The following MDGA2 variants were observed in gnomAD, a reference collection of about 807,000 sequenced individuals.
MDGA2 encodes the protein MAM domain-containing glycosylphosphatidylinositol anchor protein 2.
In MDGA2, 40 loss-of-function variants were observed where a neutral mutation model predicts 117.8. That is an observed-to-expected ratio of 0.34 (90% CI 0.26 to 0.44). The LOEUF is 0.44. Among genes scored for constraint, MDGA2 ranks in the 20% least tolerant of loss-of-function variants. The pLI is 1.00. For synonymous variants in MDGA2, 452 were observed against 439.0 expected, an observed-to-expected ratio of 1.03 and a Z score of -0.37; for missense variants, 1,123 against 1,250.6, an observed-to-expected ratio of 0.90 and a Z score of 1.54.
chr14:47,311,471 T>C (rs965659476), intron 1 of MDGA2, among the ~76,000 whole-genome samples: 1 of 152,044 alleles, frequency 6.6e-6, no homozygotes, highest in Non-Finnish European at 1.5e-5. Context: ...ACTAGCCCCA[T>C]GGACAAGTTT....
chr14:47,342,279 TATAA>T (rs1433466623), intron 1 of MDGA2, among the ~76,000 whole-genome samples: 51 of 76,326 alleles, frequency 6.7e-4, no homozygotes, highest in African/African-American at 1.6e-3. Flanking sequence ...TATATATATA[TATAA>T]AATATGTTAT....
At chr14:47,488,000 T>G (rs2138647421) in intron 1 of MDGA2, among the ~76,000 whole-genome samples, 1 of 152,210 alleles carries the variant, frequency 6.6e-6, no homozygotes, top group South Asian at 2.1e-4. Context: ...TTAGGAATGG[T>G]TTTTTGAATG....
At chr14:47,533,458 A>G (rs554156214) in intron 1 of MDGA2, among the ~76,000 whole-genome samples, 224 of 152,312 alleles carry the variant, frequency 1.5e-3, no homozygotes, top group African/African-American at 5.0e-3. Context: ...TGAAAGACAC[A>G]TATTGGATCA....
intron 1 of MDGA2, among the ~76,000 whole-genome samples, chr14:47,320,185 T>C (rs1231742823): frequency 6.6e-6 from 1 of 152,170 alleles, no homozygotes; most frequent in Non-Finnish European, 1.5e-5. Context: ...CAGTTTGCAG[T>C]ACTTTGTTGC....
At chr14:47,300,701 G>T (rs1011996476) in intron 2 of MDGA2, among the ~76,000 whole-genome samples, 1 of 142,788 alleles carries the variant, frequency 7.0e-6, no homozygotes, top group Non-Finnish European at 1.5e-5. Flanking sequence ...GTCTCCTTTT[G>T]TTGCCCAGGC....
intron 1 of MDGA2, among the ~76,000 whole-genome samples, chr14:47,589,540 T>C (rs975601294): frequency 4.1e-4 from 63 of 152,004 alleles, no homozygotes; most frequent in African/African-American, 1.3e-3. Context: ...ATGCTACATA[T>C]CATATCACAT....
chr14:46,881,008 T>TC (rs1194715002), intron 11 of MDGA2, among the ~76,000 whole-genome samples: 2 of 45,082 alleles, frequency 4.4e-5, no homozygotes, highest in Non-Finnish European at 1.1e-4. Flanking sequence ...AAACTATCAC[T>TC]AACACACACA....
At chr14:46,878,154 T>A (rs1020295530) in intron 11 of MDGA2, among the ~76,000 whole-genome samples, 2 of 151,936 alleles carry the variant, frequency 1.3e-5, no homozygotes, top group Admixed American at 1.3e-4. Context: ...AGAATTTTTT[T>A]TCCCCTAAAA....
intron 1 of MDGA2, among the ~76,000 whole-genome samples, chr14:47,531,477 G>A (rs1415194382): frequency 6.6e-6 from 1 of 152,114 alleles, no homozygotes. Context: ...CCTATTTTAG[G>A]CAGCCATTAG....
At chr14:47,041,324 G>T (rs1477093965) in intron 7 of MDGA2, among the ~76,000 whole-genome samples, 4 of 151,804 alleles carry the variant, frequency 2.6e-5, no homozygotes, top group African/African-American at 9.7e-5. Flanking sequence ...TTATCATTTG[G>T]TTTTTAGGTC....
chr14:47,313,494 T>C (rs971380367), intron 1 of MDGA2, among the ~76,000 whole-genome samples: 2 of 152,014 alleles, frequency 1.3e-5, no homozygotes, highest in Non-Finnish European at 2.9e-5. Context: ...TGGGGTCTCA[T>C]TGTTATTACC....
intron 7 of MDGA2, among the ~76,000 whole-genome samples, chr14:47,044,262 C>T (rs1229840336): frequency 6.6e-6 from 1 of 152,024 alleles, no homozygotes; most frequent in Non-Finnish European, 1.5e-5. Flanking sequence ...TAATTTTAAA[C>T]ATCCACCAAA....
intron 8 of MDGA2, chr14:46,996,400 A>G (rs375587861): frequency 6.6e-6 from 1 of 152,288 alleles, no homozygotes; most frequent in African/African-American, 2.4e-5. Flanking sequence ...AAGATGTGGA[A>G]TAGTGCATTG....
At chr14:47,018,040 T>C (rs542622225) in intron 8 of MDGA2, among the ~76,000 whole-genome samples, 13 of 152,256 alleles carry the variant, frequency 8.5e-5, no homozygotes, top group African/African-American at 3.1e-4. Flanking sequence ...TGCAGAAACA[T>C]ATATACTCAC....
At chr14:47,399,393 T>C (rs996079490) in intron 1 of MDGA2, among the ~76,000 whole-genome samples, 1 of 152,192 alleles carries the variant, frequency 6.6e-6, no homozygotes, top group South Asian at 2.1e-4. Context: ...ATAGGAAATA[T>C]CTATTTGCAT....
chr14:47,339,735 T>C (rs944504666), intron 1 of MDGA2, among the ~76,000 whole-genome samples: 1 of 152,122 alleles, frequency 6.6e-6, no homozygotes, highest in Non-Finnish European at 1.5e-5. Flanking sequence ...TGCGGAACAA[T>C]GAGCCAAATA....
At chr14:47,593,825 C>T (rs989138314) in intron 1 of MDGA2, among the ~76,000 whole-genome samples, 2 of 152,006 alleles carry the variant, frequency 1.3e-5, no homozygotes, top group Non-Finnish European at 2.9e-5. Flanking sequence ...CCATGGCACA[C>T]GTTTACCTAT....
At chr14:46,991,304 G>C (rs1168387855) in intron 8 of MDGA2, among the ~76,000 whole-genome samples, 1 of 151,990 alleles carries the variant, frequency 6.6e-6, no homozygotes, top group East Asian at 1.9e-4. Flanking sequence ...AGATCTTATA[G>C]TTTTCAGAAA....
intron 10 of MDGA2, among the ~76,000 whole-genome samples, chr14:46,898,264 C>T (rs1260560639): frequency 6.6e-6 from 1 of 151,828 alleles, no homozygotes; most frequent in Non-Finnish European, 1.5e-5. Flanking sequence ...CTGGTAATTT[C>T]TCTGGTAAGA....
Sources: allele counts gnomAD v4.1 joint callset (sites outside exome capture counted in the v4.1 genomes callset), GRCh38; gene constraint gnomAD v4.1.1; transcripts MANE v1.5; gene names NCBI Gene and HGNC (gene_info 2026-07-23, HGNC 2026-07-21).